Variants in ENTREP2 observed in about 807,000 individuals in gnomAD.
ENTREP2 encodes the protein protein ENTREP2.
the ENTREP2 span, among the ~76,000 whole-genome samples, chr15:29,384,504 C>T: frequency 1.3e-5 from 2 of 152,132 alleles, no homozygotes; most frequent in East Asian, 1.9e-4. Context: ...CCAAACAAAC[C>T]GCATCACCCT....
the ENTREP2 span, among the ~76,000 whole-genome samples, chr15:29,524,162 T>C: frequency 6.6e-6 from 1 of 152,076 alleles, no homozygotes; most frequent in Non-Finnish European, 1.5e-5. Flanking sequence ...CATAAATAAC[T>C]GTTACAACTC....
the ENTREP2 span, among the ~76,000 whole-genome samples, chr15:29,634,424 G>A: frequency 6.6e-6 from 1 of 152,074 alleles, no homozygotes; most frequent in African/African-American, 2.4e-5. Flanking sequence ...ACTCCTGTTT[G>A]GGGCTGTAAA....
At chr15:29,299,481 C>T in the ENTREP2 span, among the ~76,000 whole-genome samples, 1 of 152,160 alleles carries the variant, frequency 6.6e-6, no homozygotes, top group Admixed American at 6.5e-5. Flanking sequence ...AACTCACCAG[C>T]CAGGCTCCAG....
the ENTREP2 span, among the ~76,000 whole-genome samples, chr15:29,356,296 A>ATATAT: frequency 1.7e-4 from 6 of 34,392 alleles, no homozygotes; most frequent in East Asian, 1.2e-3. Context: ...ATATATATAT[A>ATATAT]TTTTTTTTTT....
chr15:29,457,721 A>G, the ENTREP2 span, among the ~76,000 whole-genome samples: 1 of 152,158 alleles, frequency 6.6e-6, no homozygotes, highest in Non-Finnish European at 1.5e-5. Context: ...GTCCCCCAAA[A>G]CAGTCGAAAG....
At chr15:29,458,102 GGAA>G in the ENTREP2 span, among the ~76,000 whole-genome samples, 1 of 152,180 alleles carries the variant, frequency 6.6e-6, no homozygotes, top group African/African-American at 2.4e-5. Flanking sequence ...CTCTGCAAGA[GGAA>G]GACCCAGGAT....
the ENTREP2 span, among the ~76,000 whole-genome samples, chr15:29,526,530 C>T: frequency 1.3e-5 from 2 of 152,214 alleles, no homozygotes; most frequent in East Asian, 1.9e-4. Flanking sequence ...ATAGCGTGAT[C>T]ATAGCTCACT....
the ENTREP2 span, among the ~76,000 whole-genome samples, chr15:29,328,236 G>A: frequency 3.3e-5 from 5 of 152,152 alleles, no homozygotes; most frequent in Non-Finnish European, 7.3e-5. Context: ...AGGGCAAAAC[G>A]GTAGTAATAG....
chr15:29,190,904 G>A, the ENTREP2 span, among the ~76,000 whole-genome samples: 1 of 152,128 alleles, frequency 6.6e-6, no homozygotes, highest in African/African-American at 2.4e-5. Context: ...TTAATCAAAG[G>A]AACATTCTCC....
chr15:29,370,101 G>C, the ENTREP2 span, among the ~76,000 whole-genome samples: 1 of 152,086 alleles, frequency 6.6e-6, no homozygotes, highest in African/African-American at 2.4e-5. Context: ...CAAAAGGTAA[G>C]ACATACAGAA....
the ENTREP2 span, among the ~76,000 whole-genome samples, chr15:29,565,907 GC>G: frequency 1.3e-5 from 2 of 151,546 alleles, no homozygotes; most frequent in African/African-American, 4.8e-5. Context: ...TTTGCAGTGA[GC>G]CGAGATCACG....
chr15:29,269,040 G>C, the ENTREP2 span: 2 of 1,614,132 alleles, frequency 1.2e-6, no homozygotes, highest in Non-Finnish European at 1.7e-6. Flanking sequence ...CCTCAGTAAT[G>C]AGTTTCTTTG....
chr15:29,547,307 C>A, the ENTREP2 span, among the ~76,000 whole-genome samples: 1 of 151,786 alleles, frequency 6.6e-6, no homozygotes, highest in African/African-American at 2.4e-5. Context: ...CCAGGCTGGT[C>A]TCAAACTCCT....
the ENTREP2 span, among the ~76,000 whole-genome samples, chr15:29,177,333 C>T: frequency 1.3e-5 from 2 of 152,166 alleles, no homozygotes; most frequent in African/African-American, 2.4e-5. Flanking sequence ...TTAAAATACA[C>T]TGAACAGCAA....
the ENTREP2 span, chr15:29,610,660 C>T: frequency 4.0e-5 from 6 of 150,282 alleles, no homozygotes; most frequent in Admixed American, 2.7e-4. Context: ...GAGCTAGCTC[C>T]GCAGCTCATG....
At chr15:29,490,152 C>G in the ENTREP2 span, among the ~76,000 whole-genome samples, 1 of 152,152 alleles carries the variant, frequency 6.6e-6, no homozygotes, top group African/African-American at 2.4e-5. Flanking sequence ...CGTGGACCCC[C>G]GGTGAATTTT....
the ENTREP2 span, among the ~76,000 whole-genome samples, chr15:29,663,666 G>A: frequency 2.0e-5 from 3 of 152,000 alleles, no homozygotes; most frequent in Admixed American, 6.6e-5. Flanking sequence ...TGAACAATGA[G>A]AACACTTGGA....
the ENTREP2 span, among the ~76,000 whole-genome samples, chr15:29,393,617 G>C: frequency 6.6e-6 from 1 of 152,146 alleles, no homozygotes; most frequent in Non-Finnish European, 1.5e-5. Context: ...TGTTCTATAG[G>C]AGAAGCATCC....
chr15:29,371,733 T>G, the ENTREP2 span, among the ~76,000 whole-genome samples: 1 of 152,042 alleles, frequency 6.6e-6, no homozygotes, highest in Non-Finnish European at 1.5e-5. Context: ...GATCAAACAG[T>G]AGAATGGATA....
Sources: gnomAD v4.1 joint callset for allele counts (sites outside exome capture counted in the v4.1 genomes callset) on GRCh38, gnomAD v4.1.1 for gene constraint, MANE v1.5 for transcripts, NCBI Gene and HGNC (gene_info 2026-07-23, HGNC 2026-07-21) for gene names.